The following SLC2A9 variants were observed in gnomAD, a reference collection of about 807,000 sequenced individuals.
SLC2A9 encodes the protein solute carrier family 2, facilitated glucose transporter member 9.
SLC2A9 carries 39 observed loss-of-function variants against 50.6 expected under a neutral mutation model. The ratio of observed to expected loss-of-function variants is 0.77; its 90% CI spans 0.60 to 1.01. SLC2A9 has a LOEUF of 1.01. SLC2A9 is among the 50% of genes least tolerant of loss of function. SLC2A9 has a pLI of 0.00. For synonymous variants in SLC2A9, 324 were observed against 276.9 expected, an observed-to-expected ratio of 1.17 and a Z score of -1.69; for missense variants, 686 against 677.6, an observed-to-expected ratio of 1.01 and a Z score of -0.14.
intron 5 of SLC2A9, among the ~76,000 whole-genome samples, chr4:9,971,442 G>A (rs1753896345): frequency 6.6e-6 from 1 of 152,266 alleles, no homozygotes; most frequent in East Asian, 1.9e-4. Context: ...AATGCCTACA[G>A]AATAGACAAA....
In SLC2A9 at chr4:9,877,419, T is replaced by C. The variant is rs73092673; in HGVS notation, c.1291+10148A>G. Among the ~76,000 whole-genome samples the C allele has an allele frequency of 6.5e-3, 983 of 152,290 alleles. 14 individuals carry two copies. The highest frequency in any genetic ancestry group is 0.023 in the African/African-American group (947 of 41,566). On this transcript the variant is annotated intron_variant, in intron 10 of 11. Coordinates refer to ENST00000264784, the MANE Select transcript of SLC2A9 (RefSeq NM_020041.3). ...GGCAGGAGATTCAGAGGCAGACATA[T>C]CTAGGGTTGAGTCTGGACTCCACCT...
intron 6 of SLC2A9, 67 bp from the exon 7 acceptor site, chr4:9,920,639 C>T: frequency 6.3e-7 from 1 of 1,590,136 alleles, no homozygotes; most frequent in South Asian, 1.1e-5. Flanking sequence ...AATGCTGGGC[C>T]CTGCAGGGAC....
intron 6 of SLC2A9, among the ~76,000 whole-genome samples, chr4:9,932,747 C>T (rs1442229794): frequency 6.6e-6 from 1 of 152,240 alleles, no homozygotes; most frequent in African/African-American, 2.4e-5. Context: ...GACTCAGCCC[C>T]ACAACCACCC....
intron 8 of SLC2A9, among the ~76,000 whole-genome samples, chr4:9,906,291 G>A (rs904017554): frequency 3.3e-5 from 5 of 152,154 alleles, no homozygotes; most frequent in Non-Finnish European, 7.3e-5. Context: ...ATCAGGTTCC[G>A]AGCAGAGACA....
At chr4:9,822,292 T>C (rs1308449332), downstream of SLC2A9, among the ~76,000 whole-genome samples, 2 of 152,198 alleles carry the variant, frequency 1.3e-5, no homozygotes, top group African/African-American at 4.8e-5. Context: ...TTGGATTTCA[T>C]ATATTTTTAT....
intron 6 of SLC2A9, among the ~76,000 whole-genome samples, chr4:9,934,725 T>C (rs1746747062): frequency 6.6e-6 from 1 of 152,252 alleles, no homozygotes; most frequent in Admixed American, 6.5e-5. Context: ...ACATCTGCCA[T>C]GGCGGTTTGC....
chr4:10,019,078 G>A lies in SLC2A9; in HGVS notation c.151-5C>T, dbSNP rs1478982359. Reference sequence around the variant, plus strand: ...GAGGAGCGAGCAGGACCAGTCCTGAGGGGAGAGGAAACCACGTCAGAGCCG... The same window carrying A: ...GAGGAGCGAGCAGGACCAGTCCTGAAGGGAGAGGAAACCACGTCAGAGCCG... On this transcript the variant is annotated splice_polypyrimidine_tract_variant and splice_region_variant and intron_variant, in intron 1 of 11. Transcript: ENST00000264784. 4.5e-6 allele frequency: 7 copies of A among 1,551,132 alleles called. No individual in the cohort carries two copies. The highest frequency in any genetic ancestry group is 2.4e-5 in the South Asian group (2 of 84,048).
intron 3 of SLC2A9, chr4:9,782,110 G>C (rs781612446): frequency 2.6e-5 from 40 of 1,546,368 alleles, no homozygotes; most frequent in Non-Finnish European, 3.1e-5. Flanking sequence ...GGAACGCCGT[G>C]GGGGGCTCGG....
intron 6 of SLC2A9, among the ~76,000 whole-genome samples, chr4:9,922,326 G>A (rs556517910): frequency 6.6e-6 from 1 of 152,086 alleles, no homozygotes; most frequent in African/African-American, 2.4e-5. Context: ...TGGGGGGTGG[G>A]GTGGGGGGAG....
chr4:10,030,729 A>T (rs1763916355), intron 1 of SLC2A9, among the ~76,000 whole-genome samples: 1 of 152,226 alleles, frequency 6.6e-6, no homozygotes, highest in Non-Finnish European at 1.5e-5. Context: ...ACTCTAAACT[A>T]GATGCTAAAA....
chr4:9,794,735 G>C (rs1577303031), downstream of SLC2A9, among the ~76,000 whole-genome samples: 1 of 152,170 alleles, frequency 6.6e-6, no homozygotes, highest in Non-Finnish European at 1.5e-5. Flanking sequence ...GTTAAAGATG[G>C]GTTCTCATCA....
intron 1 of SLC2A9, among the ~76,000 whole-genome samples, chr4:9,773,143 A>G (rs1209851610): frequency 7.9e-5 from 12 of 152,168 alleles, no homozygotes; most frequent in Non-Finnish European, 1.8e-4. Context: ...CTGAACTGGG[A>G]AGAGGGACTG....
At chr4:9,883,335 G>A (rs928940295) in intron 10 of SLC2A9, among the ~76,000 whole-genome samples, 30 of 152,338 alleles carry the variant, frequency 2.0e-4, no homozygotes, top group Middle Eastern at 3.4e-3. Flanking sequence ...GTGTGTAGAG[G>A]TGAATTTCTT....
rs1223417300 is a variant in SLC2A9 at position 9,889,794 on chromosome 4, G to C, written c.1215+816C>G. ...CTTCCCATGGCACCAAGATGAGTTGGAGGTACTGAGGCAGTGTTCAGTTAA... is the reference window on the plus strand; with the variant it reads ...CTTCCCATGGCACCAAGATGAGTTGCAGGTACTGAGGCAGTGTTCAGTTAA... On this transcript the variant is annotated intron_variant, in intron 9 of 11. Transcript: ENST00000264784. Among the ~76,000 whole-genome samples, 3 of 152,228 alleles carry C rather than the reference G, an allele frequency of 2.0e-5. No homozygotes were observed. In the East Asian group the frequency reaches 5.8e-4, roughly 29 times the overall value.
chr4:9,886,986 G>T (rs1736388471), intron 10 of SLC2A9, among the ~76,000 whole-genome samples: 15 of 152,206 alleles, frequency 9.9e-5, no homozygotes, highest in Admixed American at 8.5e-4. Context: ...AACTGAGGCT[G>T]GGATACTCCA....
At chr4:9,983,293 G>A (rs1756190991) in intron 4 of SLC2A9, among the ~76,000 whole-genome samples, 1 of 152,230 alleles carries the variant, frequency 6.6e-6, no homozygotes, top group Admixed American at 6.5e-5. Flanking sequence ...CCCCCTCCCT[G>A]GATCGACATC....
At chr4:9,907,858 T>G (rs1300718046) in intron 8 of SLC2A9, among the ~76,000 whole-genome samples, 1 of 152,204 alleles carries the variant, frequency 6.6e-6, no homozygotes, top group Admixed American at 6.5e-5. Flanking sequence ...AAGAGCTGCA[T>G]GATGACCTCC....
intron 7 of SLC2A9, among the ~76,000 whole-genome samples, chr4:9,914,953 T>G (rs2110044007): frequency 6.6e-6 from 1 of 152,364 alleles, no homozygotes; most frequent in South Asian, 2.1e-4. Context: ...TCTAAGAGTG[T>G]TGGATCACCC....
In SLC2A9 at chr4:9,908,709, C is replaced by T. The variant is rs370150692; in HGVS notation, c.1003-364G>A. Among the ~76,000 whole-genome samples the T allele has an allele frequency of 5.9e-5, 9 of 152,198 alleles. No individual in the cohort carries two copies. The East Asian group carries it at 1.5e-3, about 26-fold the overall frequency. On this transcript the variant is annotated intron_variant, in intron 7 of 11. Transcript: ENST00000264784. ...TAATGCTATCCCTCCCCACTACCCCCACCCCACAACAGGCCCTGGTGTGTG... is the reference window on the plus strand; with the variant it reads ...TAATGCTATCCCTCCCCACTACCCCTACCCCACAACAGGCCCTGGTGTGTG...
Sources: gnomAD v4.1 joint callset for allele counts (sites outside exome capture counted in the v4.1 genomes callset) on GRCh38, gnomAD v4.1.1 for gene constraint, MANE v1.5 for transcripts, NCBI Gene and HGNC (gene_info 2026-07-23, HGNC 2026-07-21) for gene names.